Variants in CST6 observed in about 807,000 individuals in gnomAD.
CST6 encodes the protein cystatin E/M.
Under a neutral mutation model 10.7 loss-of-function variants are expected in CST6, and 8 were observed. The ratio of observed to expected loss-of-function variants is 0.75; its 90% CI spans 0.44 to 1.34. CST6 has a LOEUF of 1.34. Ranked by LOEUF, CST6 falls within the 40% of genes most tolerant of loss-of-function variation. CST6 has a pLI of 0.01. For synonymous variants in CST6, 100 were observed against 89.3 expected (o/e 1.12, Z -0.68); for missense variants, 206 against 205.1 (o/e 1.00, Z -0.03).
Position 66,012,185 on chromosome 11 carries a change from G to C in CST6, c.141G>C (p.Gln47His). 1 of 1,577,156 alleles carries C rather than the reference G, an allele frequency of 6.3e-7. No individual in the cohort carries two copies. The highest frequency in any genetic ancestry group is 1.3e-5 in the African/African-American group (1 of 74,524). Residue 47 changes from glutamine to histidine, a missense_variant, in exon 1 of 3, where the codon CAG becomes CAC. Transcript: ENST00000312134. ...ELRDLSPDDP[Q>H]VQKAAQAAVA... ...GGGACCTGTCGCCCGACGACCCGCA[G>C]GTGCAGAAGGCGGCGCAGGCGGCCG...
chr11:66,012,170 G>T lies in CST6; in HGVS notation c.126G>T (p.Ser42=). Residue 42 remains serine (S), a synonymous_variant, in exon 1 of 3, where the codon TCG becomes TCT. Coordinates refer to ENST00000312134, the MANE Select transcript of CST6 (RefSeq NM_001323.4). ...TGGTCGGAGAACTCCGGGACCTGTC[G>T]CCCGACGACCCGCAGGTGCAGAAGG... ...ERMVGELRDL[S]PDDPQVQKAA... 1.3e-6 allele frequency: 2 copies of T among 1,564,572 alleles called. No individual in the cohort carries two copies. Among genetic ancestry groups the T allele is most frequent in the African/African-American group, 1.3e-5 (1 of 74,202 alleles).
At position 66,012,927 on chromosome 11, in the gene CST6, C is replaced by T; in HGVS notation, c.342C>T (p.Pro114=). The change falls in exon 2 of 3, where the codon CCC becomes CCT. Residue 114 remains proline (P), a synonymous_variant. Transcript: ENST00000312134. The stretch of plus-strand genomic sequence containing the variant: ...ACCACGTCGACCTCACCACTTGCCC[C>T]CTGGCAGCAGGGGCGCAGCAGGAGG... The part of the protein sequence containing the change: ...TGDHVDLTTC[P]LAAGAQQEKL... 6.2e-7 allele frequency: 1 copy of T among 1,613,738 alleles called. No individual in the cohort carries two copies. Among genetic ancestry groups the T allele is most frequent in the South Asian group, 1.1e-5 (1 of 91,076 alleles).
chr11:66,013,231 A>G (rs9667817), intron 2 of CST6, 86 bp from the exon 3 acceptor site: 1,239,356 of 1,242,752 alleles, frequency 1, 618,045 homozygotes, highest in East Asian at 1. Flanking sequence ...GGCCTGGAGC[A>G]GCCTGGCAGG....
In CST6 at chr11:66,012,951, G is replaced by C; in HGVS notation, c.366G>C (p.Glu122Asp). 2.5e-6 allele frequency: 4 copies of C among 1,613,212 alleles called. No individual in the cohort carries two copies. In the South Asian group the frequency reaches 4.4e-5, roughly 18 times the overall value. The change falls in exon 2 of 3, where the codon GAG becomes GAC. Residue 122 changes from glutamate (E) to aspartate (D), a missense_variant and splice_region_variant. Coordinates refer to ENST00000312134, the MANE Select transcript of CST6 (RefSeq NM_001323.4). Reference protein sequence around the residue: ...TCPLAAGAQQEKLRCDFEVLV... With the variant: ...TCPLAAGAQQDKLRCDFEVLV... ...CCCTGGCAGCAGGGGCGCAGCAGGAGGTAACAGCTGGGCTCCTCCAGCCCC... is the reference window on the plus strand; with the variant it reads ...CCCTGGCAGCAGGGGCGCAGCAGGACGTAACAGCTGGGCTCCTCCAGCCCC...
At chr11:66,012,316 C>A (rs1856175807) in intron 1 of CST6, 32 bp downstream of exon 1, 3 of 1,557,662 alleles carry the variant, frequency 1.9e-6, no homozygotes, top group Non-Finnish European at 2.6e-6. Context: ...GAGGGGACAC[C>A]CGGCCCAGAT....
intron 2 of CST6, 76 bp from the exon 3 acceptor site, chr11:66,013,241 G>A: frequency 7.3e-7 from 1 of 1,368,416 alleles, no homozygotes; most frequent in Non-Finnish European, 1.0e-6. Context: ...AGCCTGGCAG[G>A]CAGAGGGCTG....
At chr11:66,013,212 C>T in intron 2 of CST6, 105 bp from the exon 3 acceptor site, 2 of 1,110,658 alleles carry the variant, frequency 1.8e-6, no homozygotes, top group Admixed American at 1.7e-5. Context: ...CAGTGATTGT[C>T]CCTCTCTTGG....
intron 2 of CST6, 113 bp downstream of exon 2, chr11:66,013,064 T>C (rs773722699): frequency 9.9e-6 from 14 of 1,420,384 alleles, no homozygotes; most frequent in Non-Finnish European, 1.4e-5. Flanking sequence ...TGGCTGAACC[T>C]GTCGTCCTTC....
Position 66,013,448 on chromosome 11 carries a change from G to A in CST6, c.*48G>A. On this transcript the variant is annotated 3_prime_UTR_variant, in exon 3 of 3. Transcript: ENST00000312134. ...ATTGGGTTTGGGGCCATGGTGGAGG[G>A]CACTTCAGGTCCGTGGGCCGTATCT... 1 of 1,460,456 alleles carries A rather than the reference G, an allele frequency of 6.8e-7. No individual in the cohort carries two copies. Among genetic ancestry groups the A allele is most frequent in the Non-Finnish European group, 9.6e-7 (1 of 1,040,024 alleles). 90.5% of individuals were successfully genotyped at this position (1,460,456 alleles called of 1,614,324 possible).
At chr11:66,012,625 C>T (rs1249258310) in intron 1 of CST6, among the ~76,000 whole-genome samples, 2 of 150,026 alleles carry the variant, frequency 1.3e-5, no homozygotes, top group African/African-American at 4.9e-5. Context: ...TGGTGGGGCT[C>T]AGCCTCCAGG....
intron 2 of CST6, 98 bp downstream of exon 2, chr11:66,013,049 A>G (rs919417670): frequency 4.1e-6 from 6 of 1,477,356 alleles, no homozygotes; most frequent in South Asian, 2.4e-5. Context: ...AGATGTCTAG[A>G]TGTCTGGCTG....
chr11:66,012,360 GAAGGGGGCCTAA>G, intron 1 of CST6, 76 bp downstream of exon 1: 1 of 1,468,218 alleles, frequency 6.8e-7, no homozygotes, highest in Non-Finnish European at 9.1e-7. Flanking sequence ...CAGCGTGCAT[GAAGGGGGCCTAA>G]AAGCGCAATC....
intron 1 of CST6, among the ~76,000 whole-genome samples, 184 bp from the exon 2 acceptor site, chr11:66,012,642 C>T (rs1051461666): frequency 3.4e-5 from 5 of 146,982 alleles, no homozygotes; most frequent in Non-Finnish European, 6.0e-5. Flanking sequence ...CAGGCCTCTC[C>T]ACCCTCCATC....
chr11:66,012,193 A>G lies in CST6; in HGVS notation c.149A>G (p.Lys50Arg). Residue 50 changes from lysine (K) to arginine (R), a missense_variant, in exon 1 of 3, where the codon AAG becomes AGG. Transcript: ENST00000312134. ...DLSPDDPQVQ[K>R]AAQAAVASYN... ...TCGCCCGACGACCCGCAGGTGCAGAAGGCGGCGCAGGCGGCCGTGGCCAGC... is the reference window on the plus strand; with the variant it reads ...TCGCCCGACGACCCGCAGGTGCAGAGGGCGGCGCAGGCGGCCGTGGCCAGC... 1.9e-6 allele frequency: 3 copies of G among 1,580,596 alleles called. No homozygotes were observed. In the East Asian group the frequency reaches 6.9e-5, roughly 36 times the overall value.
Position 66,013,068 on chromosome 11 carries a change from G to C in CST6, c.366+117G>C, listed in dbSNP as rs575454336. 8 of 1,401,132 alleles carry C rather than the reference G, an allele frequency of 5.7e-6. No individual in the cohort carries two copies. The East Asian group carries it at 1.5e-4, about 26-fold the overall frequency. 86.8% of individuals were successfully genotyped at this position (1,401,132 alleles called of 1,614,324 possible). A position where few individuals can be genotyped will look rare whatever the true frequency, so the allele number is the denominator to read the frequency against. On this transcript the variant is annotated intron_variant, in intron 2 of 2. Coordinates refer to ENST00000312134, the MANE Select transcript of CST6 (RefSeq NM_001323.4). ...GTCTAGATGTCTGGCTGAACCTGTC[G>C]TCCTTCTGGATGAGTCAGCCTCTGG... is the stretch of plus-strand genomic sequence containing the variant.
chr11:66,013,216 C>A, intron 2 of CST6, 101 bp from the exon 3 acceptor site: 2 of 1,152,652 alleles, frequency 1.7e-6, no homozygotes, highest in Non-Finnish European at 2.6e-6. Flanking sequence ...GATTGTCCCT[C>A]TCTTGGCCTG....
At position 66,012,246 on chromosome 11, in the gene CST6, T is replaced by C; in HGVS notation, c.202T>C (p.Tyr68His). ...CAACATGGGCAGCAACAGCATCTACTACTTCCGAGACACGCACATCATCAA... is the reference window on the plus strand; with the variant it reads ...CAACATGGGCAGCAACAGCATCTACCACTTCCGAGACACGCACATCATCAA... Reference protein sequence around the residue: ...SYNMGSNSIYYFRDTHIIKAQ... With the variant: ...SYNMGSNSIYHFRDTHIIKAQ... Residue 68 changes from tyrosine (Y) to histidine (H), a missense_variant, in exon 1 of 3, where the codon TAC (tyrosine) becomes CAC (histidine). Transcript: ENST00000312134. 4 of 1,607,156 alleles carry C rather than the reference T, an allele frequency of 2.5e-6. No individual in the cohort carries two copies. Among genetic ancestry groups the C allele is most frequent in the Non-Finnish European group, 3.4e-6 (4 of 1,177,270 alleles).
At chr11:66,012,797 C>G (rs915894868) in intron 1 of CST6, 29 bp from the exon 2 acceptor site, 19 of 1,580,326 alleles carry the variant, frequency 1.2e-5, no homozygotes, top group Admixed American at 1.7e-5. Flanking sequence ...GGTCAAGACC[C>G]CTGACCTGCC....
intron 2 of CST6, 112 bp downstream of exon 2, chr11:66,013,063 C>A: frequency 7.0e-7 from 1 of 1,424,594 alleles, no homozygotes; most frequent in Non-Finnish European, 9.6e-7. Flanking sequence ...CTGGCTGAAC[C>A]TGTCGTCCTT....
Sources: allele counts gnomAD v4.1 joint callset (sites outside exome capture counted in the v4.1 genomes callset), GRCh38; gene constraint gnomAD v4.1.1; transcripts MANE v1.5; gene names NCBI Gene and HGNC (gene_info 2026-07-23, HGNC 2026-07-21).